The following TRPS1 variants were observed in gnomAD, a reference collection of about 807,000 sequenced individuals.
TRPS1 encodes the protein transcriptional repressor GATA binding 1.
A neutral mutation model predicts 101.2 loss-of-function variants in TRPS1; 6 were observed. The ratio of observed to expected loss-of-function variants is 0.06; its 90% CI spans 0.03 to 0.12. The LOEUF (loss-of-function observed/expected upper bound fraction) is 0.12, where lower values mean the gene tolerates loss of function less well. Among genes scored for constraint, TRPS1 ranks in the 10% least tolerant of loss-of-function variants. The pLI is 1.00. For missense variants in TRPS1, 1,363 were observed against 1,567.0 expected, an observed-to-expected ratio of 0.87 and a Z score of 2.20; for synonymous variants, 578 against 589.8, an observed-to-expected ratio of 0.98 and a Z score of 0.29.
At chr8:115,593,827 A>C (rs527416092) in intron 4 of TRPS1, among the ~76,000 whole-genome samples, 1 of 152,260 alleles carries the variant, frequency 6.6e-6, no homozygotes, top group Non-Finnish European at 1.5e-5. Context: ...CCAAGAATAA[A>C]TCTAGTGTCT....
At chr8:115,424,029 A>G (rs1813131612) in intron 5 of TRPS1, among the ~76,000 whole-genome samples, 1 of 152,224 alleles carries the variant, frequency 6.6e-6, no homozygotes, top group African/African-American at 2.4e-5. Flanking sequence ...CATCTTCAAG[A>G]TATTAAAGGT....
In TRPS1 at chr8:115,495,465, T is replaced by A. The variant is rs576864876; in HGVS notation, c.2701-77013A>T. Among the ~76,000 whole-genome samples the A allele has an allele frequency of 5.5e-3, 822 of 148,158 alleles. 6 individuals carry two copies. Among genetic ancestry groups the A allele is most frequent in the South Asian group, 0.019 (89 of 4,628 alleles). On this transcript the variant is annotated intron_variant, in intron 5 of 6. Coordinates refer to ENST00000395715, the MANE Select transcript of TRPS1 (RefSeq NM_014112.5). ...ATTATGGCAGAAAGGAGGAAAAAAA[T>A]ATATATATATATATTTAAATTATAT...
intron 5 of TRPS1, among the ~76,000 whole-genome samples, chr8:115,428,744 A>T (rs572195909): frequency 6.6e-6 from 1 of 151,306 alleles, no homozygotes; most frequent in African/African-American, 2.4e-5. Context: ...GTGGGAGACT[A>T]AAAAAAAATG....
At chr8:115,539,415 T>C (rs1450839210) in intron 5 of TRPS1, among the ~76,000 whole-genome samples, 1 of 152,246 alleles carries the variant, frequency 6.6e-6, no homozygotes, top group African/African-American at 2.4e-5. Context: ...TCCCATCCTC[T>C]ACCCAGTTCC....
intron 5 of TRPS1, among the ~76,000 whole-genome samples, chr8:115,482,370 T>C (rs1814775645): frequency 6.6e-6 from 1 of 152,202 alleles, no homozygotes; most frequent in East Asian, 1.9e-4. Flanking sequence ...CAATTTTGGC[T>C]GTACAAAGTC....
At position 115,411,724 on chromosome 8, in the gene TRPS1, A is replaced by G. The variant is rs1206264723; in HGVS notation, c.*2299T>C. The G allele has an allele frequency of 6.6e-6, 1 of 152,362 alleles. No homozygotes were observed. The highest frequency in any genetic ancestry group is 1.5e-5 in the Non-Finnish European group (1 of 67,968). The allele number at this position is 152,362 out of a possible 1,614,324, so 9.4% of individuals were successfully genotyped here. On this transcript the variant is annotated 3_prime_UTR_variant, in exon 7 of 7. Transcript: ENST00000395715. ...GAGCTACGCGACAGGTGAGATCAGA[A>G]TAAGGCCCGTTAACAATGAAACTGA...
At chr8:115,610,937 T>C (rs548280887) in intron 3 of TRPS1, among the ~76,000 whole-genome samples, 1 of 151,862 alleles carries the variant, frequency 6.6e-6, no homozygotes, top group East Asian at 1.9e-4. Context: ...GCCAACATGG[T>C]GAAACCCTGT....
At chr8:115,508,176 CTG>C (rs1305156193) in intron 5 of TRPS1, among the ~76,000 whole-genome samples, 2 of 152,198 alleles carry the variant, frequency 1.3e-5, no homozygotes, top group African/African-American at 4.8e-5. Flanking sequence ...AGAACAAAAT[CTG>C]TGTTTACTAC....
At chr8:115,557,115 T>C (rs1056690492) in intron 5 of TRPS1, among the ~76,000 whole-genome samples, 1 of 152,048 alleles carries the variant, frequency 6.6e-6, no homozygotes, top group Admixed American at 6.6e-5. Flanking sequence ...GGGAAACCCC[T>C]CTTTTTAAAA....
chr8:115,481,157 T>C (rs1003259557), intron 5 of TRPS1, among the ~76,000 whole-genome samples: 2 of 152,120 alleles, frequency 1.3e-5, no homozygotes, highest in South Asian at 2.1e-4. Flanking sequence ...GCAAATAAGA[T>C]ATACACAGAT....
intron 1 of TRPS1, among the ~76,000 whole-genome samples, chr8:115,657,886 A>G (rs1264382788): frequency 6.6e-6 from 1 of 152,120 alleles, no homozygotes; most frequent in African/African-American, 2.4e-5. Flanking sequence ...CTCTTCTTAG[A>G]CACTGTCCCC....
At chr8:115,469,446 A>G (rs1352757076) in intron 5 of TRPS1, among the ~76,000 whole-genome samples, 1 of 152,166 alleles carries the variant, frequency 6.6e-6, no homozygotes, top group Non-Finnish European at 1.5e-5. Context: ...ATGAGCCACA[A>G]TCATATAATT....
At chr8:115,444,468 C>T (rs1813682337) in intron 5 of TRPS1, among the ~76,000 whole-genome samples, 1 of 152,236 alleles carries the variant, frequency 6.6e-6, no homozygotes, top group East Asian at 1.9e-4. Flanking sequence ...GGTCAAAGTA[C>T]TTCTTTTAGC....
At chr8:115,523,570 G>A (rs1815920659) in intron 5 of TRPS1, among the ~76,000 whole-genome samples, 1 of 152,126 alleles carries the variant, frequency 6.6e-6, no homozygotes, top group South Asian at 2.1e-4. Context: ...CATTTGGAAA[G>A]CTGTCTCAAA....
intron 2 of TRPS1, among the ~76,000 whole-genome samples, chr8:115,621,417 A>G (rs1232899582): frequency 1.3e-5 from 2 of 152,200 alleles, no homozygotes; most frequent in African/African-American, 4.8e-5. Flanking sequence ...AGGTTTAGTC[A>G]TTTTCATCTA....
At chr8:115,615,242 T>C (rs189937682) in intron 3 of TRPS1, among the ~76,000 whole-genome samples, 1 of 152,312 alleles carries the variant, frequency 6.6e-6, no homozygotes, top group East Asian at 1.9e-4. Flanking sequence ...AGGCAACATA[T>C]ATATCATAAG....
chr8:115,587,724 T>C (rs1817598583), intron 4 of TRPS1, 120 bp from the exon 5 acceptor site: 1 of 1,539,944 alleles, frequency 6.5e-7, no homozygotes, highest in African/African-American at 1.4e-5. Flanking sequence ...TAGAAAGAAA[T>C]GCAATATTCT....
At chr8:115,487,503 CAA>C (rs1287123803) in intron 5 of TRPS1, among the ~76,000 whole-genome samples, 1 of 152,074 alleles carries the variant, frequency 6.6e-6, no homozygotes, top group East Asian at 1.9e-4. Flanking sequence ...TGGGCAAAGT[CAA>C]TTGAAAACCT....
chr8:115,588,158 TATATTAAAAGGAACTAAATTTAA>T (rs1212872495), intron 4 of TRPS1, among the ~76,000 whole-genome samples: 1 of 152,230 alleles, frequency 6.6e-6, no homozygotes, highest in Non-Finnish European at 1.5e-5. Flanking sequence ...AGCTTTTCCA[TATATTAAAAGGAACTAAATTTAA>T]ATATAAAATA....
Sources: allele counts gnomAD v4.1 joint callset (sites outside exome capture counted in the v4.1 genomes callset), GRCh38; gene constraint gnomAD v4.1.1; transcripts MANE v1.5; gene names NCBI Gene and HGNC (gene_info 2026-07-23, HGNC 2026-07-21).